Variants in KIAA1217 observed in about 807,000 individuals in gnomAD.
KIAA1217 encodes the protein KIAA1217.
KIAA1217 carries 88 observed loss-of-function variants against 163.9 expected under a neutral mutation model. The observed-to-expected ratio is 0.54, with a 90% CI of 0.45 to 0.64. KIAA1217 has a LOEUF of 0.64. KIAA1217 is among the 30% of genes least tolerant of loss of function. The probability of loss-of-function intolerance (pLI) is 0.00; values close to 1 mark genes in which losing one functional copy is unlikely to be tolerated. For synonymous variants in KIAA1217, 903 were observed against 923.1 expected (o/e 0.98, Z 0.39); for missense variants, 2,372 against 2,475.0 (o/e 0.96, Z 0.88).
chr10:24,178,423 A>G (rs899665431), intron 2 of KIAA1217, among the ~76,000 whole-genome samples: 14 of 152,222 alleles, frequency 9.2e-5, no homozygotes, highest in African/African-American at 2.9e-4. Flanking sequence ...ACATGGTGAA[A>G]CCAGGACATA....
chr10:24,017,542 C>T (rs1044206905), intron 2 of KIAA1217, among the ~76,000 whole-genome samples: 4 of 152,022 alleles, frequency 2.6e-5, no homozygotes, highest in African/African-American at 4.8e-5. Flanking sequence ...GAAAAAGTAA[C>T]ATACTGGCTT....
chr10:23,974,748 A>G (rs1845467055), intron 1 of KIAA1217, among the ~76,000 whole-genome samples: 1 of 152,178 alleles, frequency 6.6e-6, no homozygotes, highest in African/African-American at 2.4e-5. Flanking sequence ...TGTCATCATT[A>G]TGACCACTGC....
intron 1 of KIAA1217, among the ~76,000 whole-genome samples, chr10:23,831,606 T>C (rs59021527): frequency 2.0e-5 from 3 of 152,074 alleles, no homozygotes; most frequent in African/African-American, 7.3e-5. Context: ...GTATTAGGAA[T>C]GTAATATGTG....
chr10:23,938,005 T>G (rs1455895188), intron 1 of KIAA1217, among the ~76,000 whole-genome samples: 2 of 152,106 alleles, frequency 1.3e-5, no homozygotes, highest in African/African-American at 2.4e-5. Context: ...TGTCGAGAGT[T>G]CACAGGGCAT....
intron 2 of KIAA1217, among the ~76,000 whole-genome samples, chr10:24,055,687 T>C (rs547229175): frequency 1.3e-5 from 2 of 152,322 alleles, no homozygotes; most frequent in South Asian, 4.1e-4. Flanking sequence ...CTACTTCAAT[T>C]TCTGGCACAA....
intron 5 of KIAA1217, among the ~76,000 whole-genome samples, chr10:24,470,323 G>A (rs2063370183): frequency 6.6e-6 from 1 of 152,184 alleles, no homozygotes; most frequent in Non-Finnish European, 1.5e-5. Context: ...GCATCAGTCA[G>A]GTGTATTATC....
chr10:23,825,777 T>A (rs1837868844), intron 1 of KIAA1217, among the ~76,000 whole-genome samples: 1 of 152,126 alleles, frequency 6.6e-6, no homozygotes, highest in Admixed American at 6.5e-5. Flanking sequence ...TGGTAAAACG[T>A]GGATTTTTGA....
At chr10:24,285,254 G>A (rs1321656053) in intron 2 of KIAA1217, among the ~76,000 whole-genome samples, 1 of 152,048 alleles carries the variant, frequency 6.6e-6, no homozygotes. Context: ...GTCAATTTTT[G>A]CCTTTGTTGC....
At chr10:23,805,814 G>A (rs973604883) in intron 1 of KIAA1217, among the ~76,000 whole-genome samples, 2 of 151,954 alleles carry the variant, frequency 1.3e-5, no homozygotes, top group Admixed American at 1.3e-4. Flanking sequence ...AGGAGTTTGA[G>A]ATCAGCCTGG....
intron 2 of KIAA1217, among the ~76,000 whole-genome samples, chr10:24,322,052 G>T (rs540293079): frequency 4.6e-5 from 7 of 152,030 alleles, no homozygotes; most frequent in African/African-American, 1.7e-4. Context: ...AGGTTCACGC[G>T]ATTCTCCCAC....
At chr10:24,269,088 T>G (rs11014000) in intron 2 of KIAA1217, among the ~76,000 whole-genome samples, 1 of 131,996 alleles carries the variant, frequency 7.6e-6, no homozygotes, top group Non-Finnish European at 1.6e-5. Flanking sequence ...AAGGATAGCA[T>G]TGGGAGATAT....
At chr10:24,090,558 CAA>C (rs2061900687) in intron 2 of KIAA1217, among the ~76,000 whole-genome samples, 4 of 151,400 alleles carry the variant, frequency 2.6e-5, no homozygotes, top group Admixed American at 2.6e-4. Context: ...ACAGTGGACA[CAA>C]AGTCTCTGCT....
intron 1 of KIAA1217, among the ~76,000 whole-genome samples, chr10:23,895,752 A>G (rs1339130452): frequency 1.3e-5 from 2 of 152,014 alleles, no homozygotes; most frequent in Non-Finnish European, 2.9e-5. Flanking sequence ...CAAATGTCCA[A>G]CAATGATAGA....
chr10:24,230,201 A>G (rs910467597), intron 2 of KIAA1217, among the ~76,000 whole-genome samples: 1 of 152,170 alleles, frequency 6.6e-6, no homozygotes, highest in African/African-American at 2.4e-5. Flanking sequence ...TTCTCTTTAC[A>G]TGTATTACAG....
chr10:24,365,121 C>T (rs2050595758), intron 2 of KIAA1217, among the ~76,000 whole-genome samples: 1 of 152,152 alleles, frequency 6.6e-6, no homozygotes, highest in Admixed American at 6.5e-5. Flanking sequence ...ACTTTCTTGA[C>T]TTTCAGATGA....
intron 2 of KIAA1217, among the ~76,000 whole-genome samples, chr10:24,224,022 AAAATAT>A (rs933456223): frequency 6.6e-6 from 1 of 152,166 alleles, no homozygotes; most frequent in African/African-American, 2.4e-5. Flanking sequence ...TTGTCTTTAA[AAAATAT>A]GTTGGTCAAG....
chr10:24,060,252 G>A (rs2060672487), intron 2 of KIAA1217, among the ~76,000 whole-genome samples: 1 of 151,596 alleles, frequency 6.6e-6, no homozygotes, highest in Non-Finnish European at 1.5e-5. Flanking sequence ...TCTTAATGTA[G>A]GCATTTATCC....
intron 2 of KIAA1217, among the ~76,000 whole-genome samples, chr10:24,140,359 C>CAA (rs1260294070): frequency 0.024 from 2,253 of 94,222 alleles, 53 homozygotes; most frequent in African/African-American, 0.081. Flanking sequence ...GACTCTGTCT[C>CAA]AAAAAAAAAA....
chr10:24,231,116 T>A (rs2071348251), intron 2 of KIAA1217, among the ~76,000 whole-genome samples: 1 of 152,200 alleles, frequency 6.6e-6, no homozygotes, highest in African/African-American at 2.4e-5. Flanking sequence ...GCCAGCGTCC[T>A]GGTTGGATTT....
Sources: gnomAD v4.1 joint callset for allele counts (sites outside exome capture counted in the v4.1 genomes callset) on GRCh38, gnomAD v4.1.1 for gene constraint, MANE v1.5 for transcripts, NCBI Gene and HGNC (gene_info 2026-07-23, HGNC 2026-07-21) for gene names.